OCM: variants seen among roughly 807,000 people sequenced by gnomAD.
OCM encodes oncomodulin.
A neutral mutation model predicts 14.1 loss-of-function variants in OCM; 18 were observed. The observed-to-expected ratio is 1.28, with a 90% CI of 0.88 to 1.89. The LOEUF (loss-of-function observed/expected upper bound fraction) is 1.89. Among genes scored for constraint, OCM ranks in the 40% most tolerant of loss-of-function variants. The probability of loss-of-function intolerance (pLI) is 0.00; values close to 1 mark genes in which losing one functional copy is unlikely to be tolerated. For missense variants in OCM, 140 were observed against 137.6 expected, an observed-to-expected ratio of 1.02 and a Z score of -0.09; for synonymous variants, 48 against 51.0, an observed-to-expected ratio of 0.94 and a Z score of 0.25.
At chr7:5,881,945 G>T (rs908685091) in intron 1 of OCM, among the ~76,000 whole-genome samples, 1 of 151,604 alleles carries the variant, frequency 6.6e-6, no homozygotes, top group Non-Finnish European at 1.5e-5. Context: ...AAATGAGCTG[G>T]GCATGGGGGT....
chr7:5,878,465 G>A (rs1177813338), upstream of OCM, among the ~76,000 whole-genome samples: 1 of 151,550 alleles, frequency 6.6e-6, no homozygotes, highest in Non-Finnish European at 1.5e-5. Flanking sequence ...GGTTAAGATT[G>A]GCCGGGCGCG....
the OCM span, among the ~76,000 whole-genome samples, chr7:5,861,435 G>A: frequency 2.0e-5 from 3 of 150,760 alleles, no homozygotes; most frequent in African/African-American, 2.4e-5. Context: ...AAAAAAAAAA[G>A]AATCCCAGTT....
At chr7:5,873,186 C>G in the OCM span, among the ~76,000 whole-genome samples, 1 of 152,104 alleles carries the variant, frequency 6.6e-6, no homozygotes, top group African/African-American at 2.4e-5. Context: ...ACCAGCTTGA[C>G]CAACATGGTA....
chr7:5,867,488 C>T, the OCM span, among the ~76,000 whole-genome samples: 1 of 152,018 alleles, frequency 6.6e-6, no homozygotes, highest in Admixed American at 6.6e-5. Context: ...CTTTTTCCTC[C>T]TCTTATTTTT....
intron 3 of OCM, among the ~76,000 whole-genome samples, chr7:5,885,108 G>A (rs1781305144): frequency 8.5e-6 from 1 of 117,560 alleles, no homozygotes; most frequent in Non-Finnish European, 1.7e-5. Context: ...CAACAAGAGT[G>A]AAACTCTATC....
the OCM span, among the ~76,000 whole-genome samples, chr7:5,867,184 T>C: frequency 1.3e-5 from 2 of 152,190 alleles, no homozygotes; most frequent in Non-Finnish European, 2.9e-5. Context: ...CTGGCCTGCA[T>C]TGTTTCTGAT....
chr7:5,880,864 A>G lies in OCM; in HGVS notation c.-26A>G. 6.2e-7 allele frequency: 1 copy of G among 1,610,058 alleles called. No individual in the cohort carries two copies. On this transcript the variant is annotated 5_prime_UTR_variant, in exon 1 of 4. Coordinates refer to ENST00000242104, the MANE Select transcript of OCM (RefSeq NM_001097622.2). ...TCCTGTTTGTGGCTTATCGCCTCTC[A>G]TTTATTCTGTGTGAGTAGGTAGAAA...
the OCM span, among the ~76,000 whole-genome samples, chr7:5,867,964 C>G: frequency 6.6e-6 from 1 of 152,002 alleles, no homozygotes; most frequent in African/African-American, 2.4e-5. Context: ...TCTCAAACTC[C>G]TGAGCTCTAG....
the OCM span, among the ~76,000 whole-genome samples, chr7:5,862,056 G>C: frequency 6.6e-6 from 1 of 152,130 alleles, no homozygotes; most frequent in East Asian, 1.9e-4. Flanking sequence ...TGTGCCCCTG[G>C]GCCCTCACAG....
At chr7:5,876,855 G>C (rs943282853), upstream of OCM, among the ~76,000 whole-genome samples, 24 of 150,764 alleles carry the variant, frequency 1.6e-4, no homozygotes, top group African/African-American at 4.4e-4. Flanking sequence ...GCCCAGGCCA[G>C]AGTGCAATGG....
the OCM span, among the ~76,000 whole-genome samples, chr7:5,874,140 C>G: frequency 2.1e-5 from 3 of 140,708 alleles, no homozygotes; most frequent in Admixed American, 7.8e-5. Flanking sequence ...AGAAGAATCT[C>G]GTGAACCTCG....
chr7:5,870,094 T>TTTTTA, the OCM span, among the ~76,000 whole-genome samples: 24 of 151,520 alleles, frequency 1.6e-4, no homozygotes, highest in African/African-American at 2.4e-4. Context: ...GCAGAATCAT[T>TTTTTA]TTTTATTTTA....
At chr7:5,867,227 G>A in the OCM span, among the ~76,000 whole-genome samples, 1 of 152,024 alleles carries the variant, frequency 6.6e-6, no homozygotes, top group African/African-American at 2.4e-5. Flanking sequence ...GCAGTGGCGT[G>A]CACCTGTAAT....
chr7:5,865,715 A>G, the OCM span, among the ~76,000 whole-genome samples: 3 of 152,196 alleles, frequency 2.0e-5, no homozygotes, highest in Non-Finnish European at 4.4e-5. Flanking sequence ...GAAATGAAAC[A>G]TGCTCAGCTG....
At position 5,886,066 on chromosome 7, in the gene OCM, T is replaced by G. The variant is rs370665340; in HGVS notation, c.307T>G (p.Phe103Val). 5.0e-5 allele frequency: 80 copies of G among 1,613,962 alleles called. No individual in the cohort carries two copies. Among genetic ancestry groups the G allele is most frequent in the Non-Finnish European group, 6.4e-5 (75 of 1,179,992 alleles). ...TGTTCTCACCTCTTCTGTTCTAGAA[T>G]TCCAGGAAATGGTGCATTCTTAAAA... ...DGDGKIGAEE[F>V]QEMVHS is the part of the protein sequence containing the mutation. Residue 103 changes from phenylalanine (F) to valine (V), a missense_variant and splice_region_variant, in exon 4 of 4, where the codon TTC becomes GTC. Coordinates refer to ENST00000242104, the MANE Select transcript of OCM (RefSeq NM_001097622.2).
chr7:5,861,008 A>G, the OCM span, among the ~76,000 whole-genome samples: 5 of 151,952 alleles, frequency 3.3e-5, no homozygotes. Flanking sequence ...AAGTCCTCAA[A>G]TGGGGTAGCC....
chr7:5,871,447 G>C, the OCM span, among the ~76,000 whole-genome samples: 2 of 151,980 alleles, frequency 1.3e-5, no homozygotes, highest in African/African-American at 4.8e-5. Flanking sequence ...CTCCCAAAGT[G>C]CTGAGATTAT....
the OCM span, among the ~76,000 whole-genome samples, chr7:5,869,707 C>T: frequency 7.2e-5 from 11 of 152,286 alleles, no homozygotes; most frequent in South Asian, 4.1e-4. Flanking sequence ...CTCCCACCTG[C>T]GTTACCCCAG....
At chr7:5,868,335 T>TG in the OCM span, among the ~76,000 whole-genome samples, 747 of 152,028 alleles carry the variant, frequency 4.9e-3, 11 homozygotes, top group African/African-American at 0.017. Context: ...TTTGTAGAGA[T>TG]GGGGGTCTCA....
Sources: allele counts gnomAD v4.1 joint callset (sites outside exome capture counted in the v4.1 genomes callset), GRCh38; gene constraint gnomAD v4.1.1; transcripts MANE v1.5; gene names NCBI Gene and HGNC (gene_info 2026-07-23, HGNC 2026-07-21).